TXNDC11: variants seen among roughly 807,000 people sequenced by gnomAD.
TXNDC11 encodes thioredoxin domain containing 11, also known as thioredoxin domain-containing protein 11.
In TXNDC11, 68 loss-of-function variants were observed where a neutral mutation model predicts 78.0. The ratio of observed to expected loss-of-function variants is 0.87; its 90% CI spans 0.72 to 1.07. TXNDC11 has a LOEUF of 1.07. TXNDC11 is among the 50% of genes least tolerant of loss of function. The pLI is 0.00. For synonymous variants in TXNDC11, 571 were observed against 495.2 expected, an observed-to-expected ratio of 1.15 and a Z score of -2.03; for missense variants, 1,389 against 1,221.8, an observed-to-expected ratio of 1.14 and a Z score of -2.04.
At chr16:11,721,782 C>T (rs552731097) in intron 4 of TXNDC11, 112 bp from the exon 5 acceptor site, 99 of 583,358 alleles carry the variant, frequency 1.7e-4, no homozygotes, top group Non-Finnish European at 2.8e-4. Flanking sequence ...ATCTTGTTGC[C>T]TTTCATTTTT....
chr16:11,706,619 C>T (rs1200891573), intron 5 of TXNDC11, among the ~76,000 whole-genome samples: 2 of 152,200 alleles, frequency 1.3e-5, no homozygotes, highest in Non-Finnish European at 2.9e-5. Flanking sequence ...TTCTTCTCTG[C>T]CCCTAACAGA....
At chr16:11,709,134 A>G (rs1026795349) in intron 5 of TXNDC11, among the ~76,000 whole-genome samples, 1 of 152,210 alleles carries the variant, frequency 6.6e-6, no homozygotes, top group Non-Finnish European at 1.5e-5. Flanking sequence ...GCATAGTTTC[A>G]AACTTCTTAA....
rs145071437 is a variant in TXNDC11 at position 11,730,476 on chromosome 16, T to G, written c.699+169A>C. ...TCTTAAAACTCTCTTGGACAAACCA[T>G]CCTTATAATCAGTATCTCAAAAAGC... On this transcript the variant is annotated intron_variant, in intron 4 of 11. Coordinates refer to ENST00000283033, the MANE Select transcript of TXNDC11 (RefSeq NM_015914.7). 3.3e-3 allele frequency among the ~76,000 whole-genome samples: 501 copies of G among 152,348 alleles called. 3 individuals carry two copies. Among genetic ancestry groups the G allele is most frequent in the African/African-American group, 0.011 (462 of 41,592 alleles).
intron 5 of TXNDC11, among the ~76,000 whole-genome samples, chr16:11,715,623 A>C (rs2051506833): frequency 6.6e-6 from 1 of 152,230 alleles, no homozygotes; most frequent in South Asian, 2.1e-4. Context: ...GTCCTTTACC[A>C]GTCATACATT....
At position 11,729,061 on chromosome 16, in the gene TXNDC11, C is replaced by A. The variant is rs545753840; in HGVS notation, c.699+1584G>T. On this transcript the variant is annotated intron_variant, in intron 4 of 11. Coordinates refer to ENST00000283033, the MANE Select transcript of TXNDC11 (RefSeq NM_015914.7). ...TACTGCTAAAAGCAGGTCTGTCTGA[C>A]TCCTGATTCTTCACCATTTTGCTGT... 3.0e-4 allele frequency among the ~76,000 whole-genome samples: 46 copies of A among 152,342 alleles called. 1 individual carries two copies. Among genetic ancestry groups the A allele is most frequent in the Admixed American group, 2.9e-3 (45 of 15,294 alleles).
intron 3 of TXNDC11, among the ~76,000 whole-genome samples, chr16:11,733,577 C>T (rs1481091000): frequency 1.3e-5 from 2 of 152,066 alleles, no homozygotes; most frequent in African/African-American, 4.8e-5. Flanking sequence ...TAGTAATTTT[C>T]TTCCCAATAG....
intron 9 of TXNDC11, 145 bp downstream of exon 9, chr16:11,688,158 T>A (rs550837777): frequency 2.0e-6 from 2 of 987,540 alleles, no homozygotes; most frequent in Non-Finnish European, 3.0e-6. Flanking sequence ...AAAAACCACA[T>A]GTAATTCATT....
At chr16:11,727,827 T>A (rs1225158775) in intron 4 of TXNDC11, among the ~76,000 whole-genome samples, 1 of 152,234 alleles carries the variant, frequency 6.6e-6, no homozygotes, top group Non-Finnish European at 1.5e-5. Flanking sequence ...TCTTAAGGCC[T>A]TAATTGGGAA....
At chr16:11,726,563 G>C (rs2051884410) in intron 4 of TXNDC11, among the ~76,000 whole-genome samples, 1 of 124,296 alleles carries the variant, frequency 8.0e-6, no homozygotes, top group Non-Finnish European at 1.6e-5. Flanking sequence ...CTGGACAACA[G>C]AGCGAGACTC....
At chr16:11,729,000 AAATCAATCAATC>A (rs57984104) in intron 4 of TXNDC11, among the ~76,000 whole-genome samples, 2 of 151,806 alleles carry the variant, frequency 1.3e-5, no homozygotes, top group Non-Finnish European at 2.9e-5. Flanking sequence ...GACCATCTCT[AAATCAATCAATC>A]AATCAATCAA....
At chr16:11,737,300 C>T (rs1460645276) in intron 1 of TXNDC11, among the ~76,000 whole-genome samples, 2 of 151,508 alleles carry the variant, frequency 1.3e-5, no homozygotes, top group Admixed American at 6.6e-5. Flanking sequence ...GAAAAAGTAG[C>T]TGGGCGTGGT....
chr16:11,709,421 G>GTTTTTTT, intron 5 of TXNDC11, among the ~76,000 whole-genome samples: 1 of 61,144 alleles, frequency 1.6e-5, no homozygotes, highest in Non-Finnish European at 3.2e-5. Context: ...CTAATTTTTT[G>GTTTTTTT]TATTTTTTTT....
chr16:11,687,962 A>G lies in TXNDC11; in HGVS notation c.2048T>C (p.Val683Ala). ...CCACGGAGCGTAATAGAGCAGGAGA[A>G]CGTCCTGTGGGAAAGGGAAGACAGA... ...FWEVVLQKQD[V>A]LLLYYAPWCG... Residue 683 changes from valine to alanine, a missense_variant, in exon 10 of 12, where the codon GTT (valine) becomes GCT (alanine). Val to Ala is a moderately conservative substitution (Grantham distance 64). Transcript: ENST00000283033. The G allele has an allele frequency of 6.2e-7, 1 of 1,607,710 alleles. No homozygotes were observed. The highest frequency in any genetic ancestry group is 8.5e-7 in the Non-Finnish European group (1 of 1,175,042).
intron 1 of TXNDC11, among the ~76,000 whole-genome samples, chr16:11,740,382 G>A (rs1356148329): frequency 6.6e-6 from 1 of 152,128 alleles, no homozygotes; most frequent in East Asian, 1.9e-4. Flanking sequence ...CCATTTACTG[G>A]TTCATTCTCC....
chr16:11,700,562 A>C lies in TXNDC11; in HGVS notation c.796T>G (p.Tyr266Asp). The part of the protein sequence containing the change: ...TSALHSLKKD[Y>D]LGTVRFGVIT... ...ACCCCAAATCGTACTGTTCCTAGGTAATCTGAAACAGAAAATTTTCCTTTA... is the reference window on the plus strand; with the variant it reads ...ACCCCAAATCGTACTGTTCCTAGGTCATCTGAAACAGAAAATTTTCCTTTA... The change falls in exon 6 of 12, where the codon TAC (tyrosine) becomes GAC (aspartate). Residue 266 changes from tyrosine (Y) to aspartate (D), a missense_variant and splice_region_variant. By Grantham distance (160) the Tyr-to-Asp change is radical (BLOSUM62 -3). Coordinates refer to ENST00000283033, the MANE Select transcript of TXNDC11 (RefSeq NM_015914.7). 6.5e-7 allele frequency: 1 copy of C among 1,545,624 alleles called. No individual in the cohort carries two copies. Among genetic ancestry groups the C allele is most frequent in the Non-Finnish European group, 8.9e-7 (1 of 1,124,352 alleles).
rs771627745 is a variant in TXNDC11, at chr16:11,679,380, C to T, written c.2692G>A (p.Val898Met). The T allele has an allele frequency of 6.2e-7, 1 of 1,611,424 alleles. No homozygotes were observed. The highest frequency in any genetic ancestry group is 8.5e-7 in the Non-Finnish European group (1 of 1,178,916). ...TCCAGTTTCCTCTCCATGGTCGCCACCAGGATCTTGAGCCACGTGTTCTCG... is the reference window on the plus strand; with the variant it reads ...TCCAGTTTCCTCTCCATGGTCGCCATCAGGATCTTGAGCCACGTGTTCTCG... Reference protein sequence around the residue: ...LTENTWLKILVATMERKLEGR... With the variant: ...LTENTWLKILMATMERKLEGR... Residue 898 changes from valine to methionine, a missense_variant, in exon 12 of 12, where the codon GTG becomes ATG. Coordinates refer to ENST00000283033, the MANE Select transcript of TXNDC11 (RefSeq NM_015914.7). This position sits in a 1 kb window ranked among gnomAD's most constrained non-coding sequence, Gnocchi z 4.6.
chr16:11,681,010 T>C (rs748429997), intron 11 of TXNDC11, among the ~76,000 whole-genome samples: 24 of 151,336 alleles, frequency 1.6e-4, no homozygotes, highest in Non-Finnish European at 3.4e-4. Context: ...GTATAAAAAG[T>C]AAGATAAAAA....
At position 11,691,999 on chromosome 16, in the gene TXNDC11, A is replaced by G. The variant is rs1236920618; in HGVS notation, c.1191T>C (p.Asp397=). 1.4e-5 allele frequency: 22 copies of G among 1,575,506 alleles called. No homozygotes were observed. Among genetic ancestry groups the G allele is most frequent in the Non-Finnish European group, 1.9e-5 (22 of 1,159,452 alleles). ...ERLLQHLRRV[D]APVLESLALE... ...GGGCCAGGGACTCCAGCACTGGAGCATCCACCCGCCGCAGGTGCTGAAGGA... is the reference window on the plus strand; with the variant it reads ...GGGCCAGGGACTCCAGCACTGGAGCGTCCACCCGCCGCAGGTGCTGAAGGA... Residue 397 remains aspartate, a synonymous_variant, in exon 8 of 12, where the codon GAT becomes GAC. Coordinates refer to ENST00000283033, the MANE Select transcript of TXNDC11 (RefSeq NM_015914.7).
chr16:11,737,125 C>G (rs574739980), intron 1 of TXNDC11, among the ~76,000 whole-genome samples: 1 of 152,174 alleles, frequency 6.6e-6, no homozygotes, highest in African/African-American at 2.4e-5. Flanking sequence ...AACATGGAAA[C>G]CTAAAACGCG....
Sources: allele counts gnomAD v4.1 joint callset (sites outside exome capture counted in the v4.1 genomes callset), GRCh38; gene constraint gnomAD v4.1.1; non-coding constraint Gnocchi (gnomAD v3.1); transcripts MANE v1.5; gene names NCBI Gene and HGNC (gene_info 2026-07-23, HGNC 2026-07-21).